The following PXT1 variants were observed in gnomAD, a reference collection of about 807,000 sequenced individuals.
The protein encoded by PXT1 is peroxisomal testis enriched protein 1.
In PXT1, 11 loss-of-function variants were observed where a neutral mutation model predicts 11.0. That is an observed-to-expected ratio of 1.00 (90% CI 0.63 to 1.66). The LOEUF (loss-of-function observed/expected upper bound fraction) is 1.66. PXT1 is among the 40% of genes most tolerant of loss of function. The pLI, the probability that PXT1 is intolerant of heterozygous loss-of-function variation, is 0.00. For missense variants in PXT1, 141 were observed against 155.5 expected, an observed-to-expected ratio of 0.91 and a Z score of 0.49; for synonymous variants, 43 against 51.4, an observed-to-expected ratio of 0.84 and a Z score of 0.70.
chr6:36,395,156 C>T (rs905369757), intron 4 of PXT1, among the ~76,000 whole-genome samples: 23 of 152,128 alleles, frequency 1.5e-4, no homozygotes, highest in African/African-American at 5.1e-4. Flanking sequence ...ACACAGAACA[C>T]TTTTGAAAAG....
chr6:36,419,916 A>G lies in PXT1; in HGVS notation c.169+5998T>C, dbSNP rs148953196. ...CAGAGTCAAGAGTGGGAGGGAGAAG[A>G]TAGTGTGGGAAGAGAGGGCCAGGGT... On this transcript the variant is annotated intron_variant, in intron 3 of 4. Coordinates refer to ENST00000454782, the MANE Select transcript of PXT1 (RefSeq NM_152990.4). Among the ~76,000 whole-genome samples the G allele has an allele frequency of 4.0e-4, 61 of 152,346 alleles. No individual in the cohort carries two copies. The East Asian group carries it at 0.011, about 26-fold the overall frequency.
chr6:36,404,634 GTA>G (rs1774262446), intron 3 of PXT1, among the ~76,000 whole-genome samples: 1 of 151,342 alleles, frequency 6.6e-6, no homozygotes, highest in African/African-American at 2.4e-5. Context: ...TTATTTTAGA[GTA>G]TACTCCTTCT....
At chr6:36,425,802 A>AACAAACAAACAAAC (rs1554154126) in intron 3 of PXT1, 112 bp downstream of exon 3, 15 of 343,630 alleles carry the variant, frequency 4.4e-5, no homozygotes, top group African/African-American at 3.7e-4. Context: ...AACAAAAACA[A>AACAAACAAACAAAC]AAAATATATA....
intron 4 of PXT1, among the ~76,000 whole-genome samples, chr6:36,396,198 A>G (rs1255279756): frequency 2.6e-5 from 4 of 152,204 alleles, no homozygotes; most frequent in Non-Finnish European, 5.9e-5. Flanking sequence ...CTGGTTTTCA[A>G]CAAGGGTGCC....
intron 2 of PXT1, among the ~76,000 whole-genome samples, chr6:36,428,858 G>A (rs1266375324): frequency 6.6e-6 from 1 of 151,936 alleles, no homozygotes; most frequent in Non-Finnish European, 1.5e-5. Context: ...GTTTCACCAA[G>A]TTGTCCAGGC....
At chr6:36,433,699 C>T (rs1006633875) in intron 2 of PXT1, among the ~76,000 whole-genome samples, 1 of 151,344 alleles carries the variant, frequency 6.6e-6, no homozygotes, top group Non-Finnish European at 1.5e-5. Context: ...GTGGCAGGCA[C>T]CTGTAGTCTC....
intron 3 of PXT1, among the ~76,000 whole-genome samples, chr6:36,421,132 T>C (rs771890051): frequency 3.5e-4 from 53 of 150,558 alleles, no homozygotes; most frequent in Admixed American, 1.1e-3. Context: ...GTTCTTAGGA[T>C]AAAGCAAATG....
At chr6:36,422,596 T>C (rs553393525) in intron 3 of PXT1, among the ~76,000 whole-genome samples, 2 of 152,304 alleles carry the variant, frequency 1.3e-5, no homozygotes, top group African/African-American at 4.8e-5. Context: ...TCTCAGTACC[T>C]AGCACAGTGC....
At chr6:36,404,973 G>A (rs901492338) in intron 3 of PXT1, among the ~76,000 whole-genome samples, 1 of 151,984 alleles carries the variant, frequency 6.6e-6, no homozygotes, top group African/African-American at 2.4e-5. Flanking sequence ...AAAGAAAAAA[G>A]TTAACTGAAA....
chr6:36,400,852 C>A (rs1337177596), intron 3 of PXT1, among the ~76,000 whole-genome samples: 8 of 152,104 alleles, frequency 5.3e-5, no homozygotes, highest in Admixed American at 5.2e-4. Context: ...TGCCTGTAAT[C>A]CCTGCTACTC....
intron 3 of PXT1, among the ~76,000 whole-genome samples, chr6:36,414,682 T>C (rs2127414040): frequency 6.6e-6 from 1 of 152,174 alleles, no homozygotes; most frequent in East Asian, 1.9e-4. Flanking sequence ...ATTTGAACAT[T>C]ACCTTTGGAA....
At chr6:36,426,402 C>CTTTTTTTT (rs1554154251) in intron 2 of PXT1, among the ~76,000 whole-genome samples, 1 of 83,398 alleles carries the variant, frequency 1.2e-5, no homozygotes, top group Non-Finnish European at 2.4e-5. Flanking sequence ...CGAAGTTTTG[C>CTTTTTTTT]TCTTGTTGCC....
chr6:36,391,920 T>A (rs749142709), intron 4 of PXT1, 46 bp from the exon 5 acceptor site: 43 of 295,374 alleles, frequency 1.5e-4, no homozygotes, highest in South Asian at 3.0e-4. Context: ...TTTTTTTTTT[T>A]AAAAGTGATA....
chr6:36,431,068 G>A (rs893195787), intron 2 of PXT1, among the ~76,000 whole-genome samples: 2 of 152,006 alleles, frequency 1.3e-5, no homozygotes, highest in Non-Finnish European at 2.9e-5. Context: ...CACCCCCCTC[G>A]GCCTCCCAAA....
intron 3 of PXT1, among the ~76,000 whole-genome samples, chr6:36,413,460 C>T (rs748518711): frequency 1.3e-5 from 2 of 151,888 alleles, no homozygotes; most frequent in Admixed American, 1.3e-4. Context: ...GTTCTCAGGA[C>T]AGCAAATGGC....
chr6:36,408,072 C>T (rs1774315716), intron 3 of PXT1, among the ~76,000 whole-genome samples: 1 of 151,500 alleles, frequency 6.6e-6, no homozygotes, highest in Admixed American at 6.6e-5. Context: ...AGTGATTCTC[C>T]TGCCTCAGCC....
chr6:36,405,267 T>C (rs185161600), intron 3 of PXT1, among the ~76,000 whole-genome samples: 9 of 152,168 alleles, frequency 5.9e-5, no homozygotes, highest in Admixed American at 5.9e-4. Flanking sequence ...TGTACAGCTA[T>C]AGAATGTGTT....
At chr6:36,395,605 C>T (rs769442975) in intron 4 of PXT1, among the ~76,000 whole-genome samples, 3 of 143,672 alleles carry the variant, frequency 2.1e-5, no homozygotes, top group African/African-American at 5.2e-5. Context: ...CAGGTTCAAG[C>T]GATCCTCCTA....
intron 3 of PXT1, among the ~76,000 whole-genome samples, chr6:36,419,111 T>A (rs894980203): frequency 1.3e-5 from 2 of 152,128 alleles, no homozygotes; most frequent in African/African-American, 4.8e-5. Context: ...ACCCTAATGA[T>A]TAGTTGACAA....
Sources: allele counts gnomAD v4.1 joint callset (sites outside exome capture counted in the v4.1 genomes callset), GRCh38; gene constraint gnomAD v4.1.1; transcripts MANE v1.5; gene names NCBI Gene and HGNC (gene_info 2026-07-23, HGNC 2026-07-21).